Variants in PEG3 observed in about 807,000 individuals in gnomAD.
PEG3 encodes the protein paternally expressed 3.
PEG3 carries 23 observed loss-of-function variants against 35.5 expected under a neutral mutation model. The ratio of observed to expected loss-of-function variants is 0.65; its 90% CI spans 0.47 to 0.92. PEG3 has a LOEUF of 0.92. Among genes scored for constraint, PEG3 ranks in the 40% least tolerant of loss-of-function variants. The probability of loss-of-function intolerance (pLI) is 0.00; values close to 1 mark genes in which losing one functional copy is unlikely to be tolerated. For missense variants in PEG3, 1,960 were observed against 1,985.3 expected, an observed-to-expected ratio of 0.99 and a Z score of 0.24; for synonymous variants, 707 against 697.0, an observed-to-expected ratio of 1.01 and a Z score of -0.23.
In PEG3 at chr19:56,815,955, T is replaced by C; in HGVS notation, c.2487A>G (p.Glu829=). The C allele has an allele frequency of 6.3e-7, 1 of 1,593,578 alleles. No individual in the cohort carries two copies. Among genetic ancestry groups the C allele is most frequent in the Non-Finnish European group, 8.5e-7 (1 of 1,170,322 alleles). The stretch of plus-strand genomic sequence containing the variant: ...AGCTATGGATAACAGACCTACTGTA[T>C]TCCCTTCCTTCAGAGGTGTTCCCTC... ...RAGGNTSEGR[E]YSRSVIHSLV... is the part of the protein sequence containing the mutation. Residue 829 remains glutamate, a synonymous_variant, in exon 10 of 10, where the codon GAA becomes GAG. Transcript: ENST00000326441.
chr19:56,816,563 A>C lies in PEG3; in HGVS notation c.1879T>G (p.Tyr627Asp), dbSNP rs1404927511. 7.4e-6 allele frequency: 12 copies of C among 1,614,066 alleles called. No individual in the cohort carries two copies. The highest frequency in any genetic ancestry group is 1.0e-5 in the Non-Finnish European group (12 of 1,179,984). Residue 627 changes from tyrosine to aspartate, a missense_variant, in exon 10 of 10, where the codon TAC becomes GAC. Transcript: ENST00000326441. ...GTCTCCCCACACACCTTACATTCGT[A>C]CATTTTCTCTTTACCATACATTTTC... Reference protein sequence around the residue: ...FQKMYGKEKMYECKVCGETFL... With the variant: ...FQKMYGKEKMDECKVCGETFL...
Position 56,810,401 on chromosome 19 carries a change from T to C in PEG3, c.*3274A>G. The C allele has an allele frequency of 4.1e-6, 4 of 985,366 alleles. No homozygotes were observed. The highest frequency in any genetic ancestry group is 4.8e-6 in the Non-Finnish European group (4 of 829,864). The allele number at this position is 985,366 out of a possible 1,614,324, so 61.0% of individuals were successfully genotyped here. The stretch of plus-strand genomic sequence containing the variant: ...CCACAACAACCACACAACTATTTCT[T>C]GTTTTTCATCTTTCTTCCCATCTTT... On this transcript the variant is annotated 3_prime_UTR_variant, in exon 10 of 10. Transcript: ENST00000326441.
chr19:56,823,799 G>C lies in PEG3; in HGVS notation c.395-120C>G. The C allele has an allele frequency of 1.7e-6, 2 of 1,208,932 alleles. 1 individual carries two copies. Among genetic ancestry groups the C allele is most frequent in the South Asian group, 2.6e-5 (2 of 77,354 alleles). 74.9% of individuals were successfully genotyped at this position (1,208,932 alleles called of 1,614,324 possible). A position where few individuals can be genotyped will look rare whatever the true frequency, so the allele number is the denominator to read the frequency against. Reference sequence around the variant, plus strand: ...CACATGGTTGGAATGACCTGATCCTGACATTTCTGAGTTCAAAACCCTTCA... The same window carrying C: ...CACATGGTTGGAATGACCTGATCCTCACATTTCTGAGTTCAAAACCCTTCA... On this transcript the variant is annotated intron_variant, in intron 4 of 9. Coordinates refer to ENST00000326441, the MANE Select transcript of PEG3 (RefSeq NM_006210.3).
In PEG3 at chr19:56,816,114, C is replaced by G; in HGVS notation, c.2328G>C (p.Arg776Ser). 6.2e-7 allele frequency: 1 copy of G among 1,612,460 alleles called. No individual in the cohort carries two copies. Among genetic ancestry groups the G allele is most frequent in the Non-Finnish European group, 8.5e-7 (1 of 1,178,988 alleles). The stretch of plus-strand genomic sequence containing the variant: ...CAGAGGCTAAGCTATGAATAACAGA[C>G]CTCTCATATGATTTTGCCTCATAGA... ...ENVYEAKSYE[R>S]SVIHSLASVE... The change falls in exon 10 of 10, where the codon AGG becomes AGC. Residue 776 changes from arginine (R) to serine (S), a missense_variant. This residue lies in a region of PEG3 where 798 missense variants were observed against 782.4 expected (regional missense o/e 1.02). Transcript: ENST00000326441.
chr19:56,812,416 G>T lies in PEG3; in HGVS notation c.*1259C>A, dbSNP rs998292457. ...ATGTTAAGCTTGGGTTGACTGTAAA[G>T]AATTTTTTTTTTTTTAATGCAAGTT... On this transcript the variant is annotated 3_prime_UTR_variant, in exon 10 of 10. Coordinates refer to ENST00000326441, the MANE Select transcript of PEG3 (RefSeq NM_006210.3). 2.1e-6 allele frequency: 2 copies of T among 974,624 alleles called. No homozygotes were observed. The highest frequency in any genetic ancestry group is 4.8e-5 in the South Asian group (1 of 20,734). The allele number at this position is 974,624 out of a possible 1,614,324, so 60.4% of individuals were successfully genotyped here. A position where few individuals can be genotyped will look rare whatever the true frequency, so the allele number is the denominator to read the frequency against.
intron 7 of PEG3, 112 bp downstream of exon 7, chr19:56,821,539 T>A: frequency 8.3e-6 from 11 of 1,323,334 alleles, no homozygotes; most frequent in Non-Finnish European, 1.1e-5. Flanking sequence ...GCTGGGACTC[T>A]CACCCCAGCT....
intron 9 of PEG3, 79 bp from the exon 10 acceptor site, chr19:56,817,658 G>A: frequency 6.6e-7 from 1 of 1,517,528 alleles, no homozygotes; most frequent in East Asian, 2.3e-5. Context: ...GCACCCTTCT[G>A]TGATGTTTAG....
chr19:56,811,307 T>A lies in PEG3; in HGVS notation c.*2368A>T. The A allele has an allele frequency of 1.1e-6, 1 of 907,410 alleles. No homozygotes were observed. The highest frequency in any genetic ancestry group is 1.3e-6 in the Non-Finnish European group (1 of 758,966). 56.2% of individuals were successfully genotyped at this position (907,410 alleles called of 1,614,324 possible). A position where few individuals can be genotyped will look rare whatever the true frequency, so the allele number is the denominator to read the frequency against. The stretch of plus-strand genomic sequence containing the variant: ...AAGCATATATATTTTTAAACAGTTA[T>A]AATGAACTGTTTAAATGAACTGTTA... On this transcript the variant is annotated 3_prime_UTR_variant, in exon 10 of 10. Transcript: ENST00000326441.
intron 2 of PEG3, among the ~76,000 whole-genome samples, chr19:56,829,263 G>C (rs1253004701): frequency 6.6e-6 from 1 of 151,080 alleles, no homozygotes; most frequent in African/African-American, 2.4e-5. Context: ...AGAATCACTT[G>C]GACCCAGGAG....
intron 1 of PEG3, among the ~76,000 whole-genome samples, chr19:56,838,928 G>A (rs936593175): frequency 6.6e-6 from 1 of 152,152 alleles, no homozygotes; most frequent in South Asian, 2.1e-4. Flanking sequence ...GGTGGGCGGG[G>A]CTTGAACAGA....
Position 56,815,029 on chromosome 19 carries a change from C to T in PEG3, c.3413G>A (p.Arg1138Gln), listed in dbSNP as rs767161657. Residue 1138 changes from arginine (R) to glutamine (Q), a missense_variant, in exon 10 of 10, where the codon CGG becomes CAG. Coordinates refer to ENST00000326441, the MANE Select transcript of PEG3 (RefSeq NM_006210.3). Reference sequence around the variant, plus strand: ...GTGAATTACAGAATGTGTGTACTCCCGACTGTCAACCAGGCACTTCCTGCT... The same window carrying T: ...GTGAATTACAGAATGTGTGTACTCCTGACTGTCAACCAGGCACTTCCTGCT... Reference protein sequence around the residue: ...VHSRKCLVDSREYTHSVIHTH... With the variant: ...VHSRKCLVDSQEYTHSVIHTH... The T allele has an allele frequency of 1.7e-5, 28 of 1,614,054 alleles. No homozygotes were observed. The highest frequency in any genetic ancestry group is 1.6e-4 in the East Asian group (7 of 44,890).
chr19:56,834,323 G>A (rs915125590), intron 2 of PEG3, among the ~76,000 whole-genome samples: 1 of 152,102 alleles, frequency 6.6e-6, no homozygotes, highest in African/African-American at 2.4e-5. Flanking sequence ...CCCTAAGCAA[G>A]GGTTTCACTG....
rs1424081075 is a variant in PEG3 at position 56,821,816 on chromosome 19, T to TGTCC, written c.566-66_566-63dup. 4 of 1,584,652 alleles carry TGTCC rather than the reference T, an allele frequency of 2.5e-6. No homozygotes were observed. In the Admixed American group the frequency reaches 6.7e-5, roughly 26 times the overall value. On this transcript the variant is annotated intron_variant, in intron 6 of 9. Coordinates refer to ENST00000326441, the MANE Select transcript of PEG3 (RefSeq NM_006210.3). ...CAGTCCATCCTGCAGGTCCCAGGTTTGTCCCACTCAACTATGAAGCCAGCT... is the reference window on the plus strand; with the variant it reads ...CAGTCCATCCTGCAGGTCCCAGGTTTGTCCGTCCCACTCAACTATGAAGCCAGCT...
chr19:56,821,550 G>A, intron 7 of PEG3, 101 bp downstream of exon 7: 7 of 1,423,340 alleles, frequency 4.9e-6, no homozygotes, highest in Non-Finnish European at 6.7e-6. Context: ...CACCCCAGCT[G>A]GACTCTAGGG....
chr19:56,821,513 G>A (rs905316167), intron 7 of PEG3, 138 bp downstream of exon 7: 14 of 1,021,030 alleles, frequency 1.4e-5, no homozygotes, highest in East Asian at 4.8e-5. Context: ...GGATGGGCCC[G>A]GGCTCCTCCT....
chr19:56,812,155 CA>C lies in PEG3; in HGVS notation c.*1519del, dbSNP rs1379838918. On this transcript the variant is annotated 3_prime_UTR_variant, in exon 10 of 10. Coordinates refer to ENST00000326441, the MANE Select transcript of PEG3 (RefSeq NM_006210.3). ...TTAAATTTTATATTTTTTTTCCAGC[CA>C]ACTCAAGGCCAAAAAAAATTTCTTA... 2 of 970,542 alleles carry C rather than the reference CA, an allele frequency of 2.1e-6. No homozygotes were observed. The highest frequency in any genetic ancestry group is 2.4e-6 in the Non-Finnish European group (2 of 817,192). 60.1% of individuals were successfully genotyped at this position (970,542 alleles called of 1,614,324 possible).
chr19:56,818,244 C>T (rs1476903727), intron 8 of PEG3, among the ~76,000 whole-genome samples: 1 of 152,190 alleles, frequency 6.6e-6, no homozygotes, highest in East Asian at 1.9e-4. Context: ...CCACTACCAA[C>T]TTGGGCTAGA....
intron 7 of PEG3, among the ~76,000 whole-genome samples, 174 bp from the exon 8 acceptor site, chr19:56,818,876 C>T (rs754991643): frequency 1.3e-5 from 2 of 152,200 alleles, no homozygotes; most frequent in Non-Finnish European, 2.9e-5. Flanking sequence ...TCGTACCTAC[C>T]TTGGTGCTAC....
intron 4 of PEG3, 49 bp from the exon 5 acceptor site, chr19:56,823,728 C>T (rs751556185): frequency 6.2e-7 from 1 of 1,602,294 alleles, no homozygotes; most frequent in Non-Finnish European, 8.6e-7. Context: ...CACATTCTCA[C>T]AATAGTTCCC....
Sources: allele counts gnomAD v4.1 joint callset (sites outside exome capture counted in the v4.1 genomes callset), GRCh38; gene constraint gnomAD v4.1.1; regional missense constraint gnomAD v4.1.1; transcripts MANE v1.5; gene names NCBI Gene and HGNC (gene_info 2026-07-23, HGNC 2026-07-21).